Variants in MRPS10 observed in about 807,000 individuals in gnomAD.
MRPS10 encodes the protein mitochondrial ribosomal protein S10.
MRPS10 carries 23 observed loss-of-function variants against 27.5 expected under a neutral mutation model. The observed-to-expected ratio is 0.84, with a 90% confidence interval of 0.60 to 1.18. MRPS10 has a LOEUF of 1.18. Among genes scored for constraint, MRPS10 ranks in the 50% most tolerant of loss-of-function variants. MRPS10 has a pLI of 0.00. For synonymous variants in MRPS10, 88 were observed against 84.2 expected (o/e 1.04, Z -0.25); for missense variants, 237 against 240.1 (o/e 0.99, Z 0.09).
Position 42,211,934 on chromosome 6 carries a change from A to G in MRPS10, c.187-17T>C, listed in dbSNP as rs530584985. 6.2e-7 allele frequency: 1 copy of G among 1,602,296 alleles called. No homozygotes were observed. The highest frequency in any genetic ancestry group is 2.2e-5 in the East Asian group (1 of 44,818). On this transcript the variant is annotated splice_polypyrimidine_tract_variant and intron_variant, in intron 3 of 6. Transcript: ENST00000053468. ...GATTGTTACCTAAAATCCAAAAGAA[A>G]AGTTTCAGTTTTAGTTCCTCTTCTA...
At chr6:42,216,021 CTTTTCTTTTTTTTTTTTTTTTT>C (rs1468552354) in intron 1 of MRPS10, among the ~76,000 whole-genome samples, 2 of 22,918 alleles carry the variant, frequency 8.7e-5, no homozygotes, top group Non-Finnish European at 2.6e-4. Context: ...TTTTTTTTTT[CTTTTCTTTTTTTTTTTTTTTTT>C]GAGAGAGTCT....
Position 42,214,302 on chromosome 6 carries a change from C to G in MRPS10, c.91G>C (p.Ala31Pro), listed in dbSNP as rs774658426. 5 of 1,612,722 alleles carry G rather than the reference C, an allele frequency of 3.1e-6. No homozygotes were observed. The highest frequency in any genetic ancestry group is 4.5e-5 in the East Asian group (2 of 44,800). Reference protein sequence around the residue: ...FSVNTSKGNTAKNGGLLLSTN... With the variant: ...FSVNTSKGNTPKNGGLLLSTN... ...TACAGAAGCAAGCCACCATTTTTGG[C>G]TGTATTGCCCTTAGAAGTGTTTACA... is the stretch of plus-strand genomic sequence containing the variant. Residue 31 changes from alanine (A) to proline (P), a missense_variant, in exon 2 of 7, where the codon GCC (alanine) becomes CCC (proline). Transcript: ENST00000053468.
chr6:42,210,614 A>C lies in MRPS10; in HGVS notation c.324-18T>G. ...GTTCATGTCTGAAATTAATGGACAA[A>C]ACAAAACCTGAGTCACTATGATAAC... On this transcript the variant is annotated intron_variant, in intron 4 of 6. Coordinates refer to ENST00000053468, the MANE Select transcript of MRPS10 (RefSeq NM_018141.4). The C allele has an allele frequency of 6.5e-7, 1 of 1,540,954 alleles. No individual in the cohort carries two copies. The highest frequency in any genetic ancestry group is 1.4e-5 in the African/African-American group (1 of 72,422).
chr6:42,208,849 A>T lies in MRPS10; in HGVS notation c.522+9T>A, dbSNP rs770080860. 2 of 1,576,502 alleles carry T rather than the reference A, an allele frequency of 1.3e-6. No homozygotes were observed. Among genetic ancestry groups the T allele is most frequent in the African/African-American group, 2.7e-5 (2 of 73,044 alleles). ...GCCCCACCGAAAGAGGCAGAAATTC[A>T]AGCTATACCTTTGTTACTTCCATGG... is the stretch of plus-strand genomic sequence containing the variant. On this transcript the variant is annotated intron_variant, in intron 6 of 6. Coordinates refer to ENST00000053468, the MANE Select transcript of MRPS10 (RefSeq NM_018141.4).
rs761149211 is a variant in MRPS10 at position 42,212,050 on chromosome 6, T to C, written c.187-133A>G. ...GGAGAAAAACACTGAGTGACGGCAG[T>C]GTTAGCTGAAGTGTCTAGATACTTT... On this transcript the variant is annotated intron_variant, in intron 3 of 6. Coordinates refer to ENST00000053468, the MANE Select transcript of MRPS10 (RefSeq NM_018141.4). 7.9e-4 allele frequency: 604 copies of C among 760,816 alleles called. 2 individuals carry two copies. The highest frequency in any genetic ancestry group is 1.0e-3 in the Non-Finnish European group (498 of 475,674). 47.1% of individuals were successfully genotyped at this position (760,816 alleles called of 1,614,324 possible).
chr6:42,216,703 C>T (rs188491194), intron 1 of MRPS10, among the ~76,000 whole-genome samples: 38 of 151,818 alleles, frequency 2.5e-4, no homozygotes, highest in African/African-American at 8.7e-4. Flanking sequence ...TCCAGCTGCT[C>T]GGGAGGCTGA....
Position 42,217,852 on chromosome 6 carries a change from T to G in MRPS10, c.-3A>C. The G allele has an allele frequency of 6.2e-7, 1 of 1,613,930 alleles. No individual in the cohort carries two copies. The highest frequency in any genetic ancestry group is 8.5e-7 in the Non-Finnish European group (1 of 1,179,944). Reference sequence around the variant, plus strand: ...CCGAACGCTGTCCGCGCCGCCATCTTGCCGGTCCCGACCTCTCAGGATTGC... The same window carrying G: ...CCGAACGCTGTCCGCGCCGCCATCTGGCCGGTCCCGACCTCTCAGGATTGC... On this transcript the variant is annotated 5_prime_UTR_variant, in exon 1 of 7. Transcript: ENST00000053468.
In MRPS10 at chr6:42,208,025, G is replaced by C; in HGVS notation, c.*264C>G. On this transcript the variant is annotated 3_prime_UTR_variant, in exon 7 of 7. Transcript: ENST00000053468. ...TGAACACCAGTAGCGTAACAAAATA[G>C]AATTTTCACTCTTTCTGCTTTCAGT... The C allele has an allele frequency of 2.3e-6, 1 of 442,710 alleles. No homozygotes were observed. Among genetic ancestry groups the C allele is most frequent in the Non-Finnish European group, 4.0e-6 (1 of 252,212 alleles). 27.4% of individuals were successfully genotyped at this position (442,710 alleles called of 1,614,324 possible). A position where few individuals can be genotyped will look rare whatever the true frequency, so the allele number is the denominator to read the frequency against.
At chr6:42,209,899 T>C (rs1768728452) in intron 5 of MRPS10, among the ~76,000 whole-genome samples, 1 of 152,198 alleles carries the variant, frequency 6.6e-6, no homozygotes, top group Non-Finnish European at 1.5e-5. Flanking sequence ...GATCAAAGTA[T>C]TCTGAGTGCT....
At position 42,217,840 on chromosome 6, in the gene MRPS10, G is replaced by A. The variant is rs775790112; in HGVS notation, c.10C>T (p.Arg4Trp). 4.3e-6 allele frequency: 7 copies of A among 1,613,966 alleles called. No homozygotes were observed. The highest frequency in any genetic ancestry group is 2.2e-5 in the South Asian group (2 of 91,086). ...CGGCACACAGCACCGAACGCTGTCC[G>A]CGCCGCCATCTTGCCGGTCCCGACC... MAA[R>W]TAFGAVCRRL... is the part of the protein sequence containing the mutation. Residue 4 changes from arginine (R) to tryptophan (W), a missense_variant, in exon 1 of 7, where the codon CGG (arginine) becomes TGG (tryptophan). Arg to Trp is a moderately radical substitution (Grantham distance 101, BLOSUM62 -3). Coordinates refer to ENST00000053468, the MANE Select transcript of MRPS10 (RefSeq NM_018141.4).
chr6:42,213,794 A>T (rs76615188), intron 3 of MRPS10, among the ~76,000 whole-genome samples: 13 of 152,258 alleles, frequency 8.5e-5, no homozygotes, highest in Admixed American at 3.3e-4. Flanking sequence ...TGAAGGCTAC[A>T]AGAAAAATAC....
chr6:42,215,455 G>A (rs1369765385), intron 1 of MRPS10, among the ~76,000 whole-genome samples: 1 of 145,300 alleles, frequency 6.9e-6, no homozygotes, highest in African/African-American at 2.5e-5. Flanking sequence ...GGGTTTTTTT[G>A]AGACAAGGTC....
chr6:42,213,693 T>C (rs1768844168), intron 3 of MRPS10, among the ~76,000 whole-genome samples: 4 of 152,232 alleles, frequency 2.6e-5, no homozygotes, highest in Admixed American at 2.6e-4. Context: ...TCCTTCTAGA[T>C]GTTTATTATT....
intron 6 of MRPS10, 58 bp from the exon 7 acceptor site, chr6:42,208,430 A>T: frequency 8.0e-7 from 1 of 1,256,064 alleles, no homozygotes; most frequent in African/African-American, 1.5e-5. Flanking sequence ...TTTGACTACA[A>T]ATCGGACTTA....
At chr6:42,209,433 A>C (rs1263814524) in intron 5 of MRPS10, among the ~76,000 whole-genome samples, 3 of 152,144 alleles carry the variant, frequency 2.0e-5, no homozygotes, top group Non-Finnish European at 4.4e-5. Context: ...AAGATGGATA[A>C]AATTTGGGTT....
Position 42,214,367 on chromosome 6 carries a change from A to T in MRPS10, c.49-23T>A, listed in dbSNP as rs368932243. On this transcript the variant is annotated intron_variant, in intron 1 of 6. Coordinates refer to ENST00000053468, the MANE Select transcript of MRPS10 (RefSeq NM_018141.4). ...TCCCTAAAGAAAAAAAAAGTAGGAC[A>T]TGTGTTAGAATTAAAGTCAACTACC... 4.5e-6 allele frequency: 7 copies of T among 1,542,124 alleles called. No individual in the cohort carries two copies. In the Admixed American group the frequency reaches 8.6e-5, roughly 19 times the overall value.
chr6:42,209,006 G>GTTT, intron 5 of MRPS10, 59 bp from the exon 6 acceptor site: 3 of 442,242 alleles, frequency 6.8e-6, no homozygotes, highest in South Asian at 5.0e-5. Context: ...ACGGTTTTTT[G>GTTT]TTTTTTTTTT....
At chr6:42,214,478 A>G in intron 1 of MRPS10, 134 bp from the exon 2 acceptor site, 1 of 509,540 alleles carries the variant, frequency 2.0e-6, no homozygotes, top group Non-Finnish European at 3.3e-6. Flanking sequence ...TGGCCAAATT[A>G]GATTGAAAAA....
chr6:42,215,985 A>C (rs1054678599), intron 1 of MRPS10, among the ~76,000 whole-genome samples: 5 of 150,332 alleles, frequency 3.3e-5, no homozygotes, highest in African/African-American at 1.2e-4. Flanking sequence ...ACATTCTCCC[A>C]CTATAAACCT....
Sources: gnomAD v4.1 joint callset for allele counts (sites outside exome capture counted in the v4.1 genomes callset) on GRCh38, gnomAD v4.1.1 for gene constraint, MANE v1.5 for transcripts, NCBI Gene and HGNC (gene_info 2026-07-23, HGNC 2026-07-21) for gene names.